The following STAT1 variants were observed in gnomAD, a reference collection of about 807,000 sequenced individuals.
The protein encoded by STAT1 is signal transducer and activator of transcription 1.
Under a neutral mutation model 111.7 loss-of-function variants are expected in STAT1, and 24 were observed. The observed-to-expected ratio is 0.21, with a 90% CI of 0.16 to 0.30. STAT1 has a LOEUF of 0.30. Ranked by LOEUF, STAT1 falls within the 10% of genes least tolerant of loss-of-function variation. The pLI, the probability that STAT1 is intolerant of heterozygous loss-of-function variation, is 1.00. For synonymous variants in STAT1, 332 were observed against 326.5 expected (o/e 1.02, Z -0.18); for missense variants, 351 against 911.9 (o/e 0.38, Z 7.92).
rs1559017071 is a variant in STAT1, at chr2:190,994,930, ATATATATAT to A, written c.944+122_944+130del. 2.6e-3 allele frequency: 290 copies of A among 110,774 alleles called. 3 individuals carry two copies. The highest frequency in any genetic ancestry group is 0.01 in the African/African-American group (235 of 22,456). The allele number at this position is 110,774 out of a possible 1,614,324, so 6.9% of individuals were successfully genotyped here. On this transcript the variant is annotated intron_variant, in intron 10 of 24. Transcript: ENST00000361099. ...ACTCTATCTCAAAAAAAAAAAAAAT[ATATATATAT>A]ATATATATATATATATATAAAAAAC... is the stretch of plus-strand genomic sequence containing the variant.
In STAT1 at chr2:191,007,449, G is replaced by A; in HGVS notation, c.372+114C>T. On this transcript the variant is annotated intron_variant, in intron 5 of 24. Coordinates refer to ENST00000361099, the MANE Select transcript of STAT1 (RefSeq NM_007315.4). This position sits in a 1 kb window ranked among gnomAD's most constrained non-coding sequence, Gnocchi z 4.2. Reference sequence around the variant, plus strand: ...AAATCTGATTCTCCCACTTCTTGGGGCTATAAAATTAGAGAGATATTCATC... The same window carrying A: ...AAATCTGATTCTCCCACTTCTTGGGACTATAAAATTAGAGAGATATTCATC... The A allele has an allele frequency of 2.6e-6, 2 of 781,372 alleles. No individual in the cohort carries two copies. Among genetic ancestry groups the A allele is most frequent in the South Asian group, 3.1e-5 (2 of 64,690 alleles). The allele number at this position is 781,372 out of a possible 1,614,324, so 48.4% of individuals were successfully genotyped here.
At chr2:191,008,824 A>G (rs536846649) in intron 4 of STAT1, 139 bp downstream of exon 4, 10 of 874,992 alleles carry the variant, frequency 1.1e-5, no homozygotes, top group Admixed American at 1.1e-4. Context: ...CTGATGCTGT[A>G]GAAAACATAA....
At chr2:191,013,233 C>A (rs1695278011) in intron 2 of STAT1, among the ~76,000 whole-genome samples, 1 of 152,242 alleles carries the variant, frequency 6.6e-6, no homozygotes, top group Admixed American at 6.5e-5. Context: ...GCACAATGGA[C>A]TGTGCTGGAG....
intron 5 of STAT1, among the ~76,000 whole-genome samples, chr2:191,001,388 C>T (rs986036073): frequency 3.3e-5 from 5 of 152,214 alleles, no homozygotes; most frequent in Non-Finnish European, 7.4e-5. Context: ...CTAAAATAAA[C>T]AGTATTTCTG....
chr2:191,002,192 G>C (rs1383302478), intron 5 of STAT1, among the ~76,000 whole-genome samples: 1 of 152,146 alleles, frequency 6.6e-6, no homozygotes, highest in Non-Finnish European at 1.5e-5. Flanking sequence ...CTCATGATCA[G>C]AGTGAAGTAT....
chr2:191,002,208 C>T (rs1487689411), intron 5 of STAT1, among the ~76,000 whole-genome samples: 1 of 152,098 alleles, frequency 6.6e-6, no homozygotes, highest in African/African-American at 2.4e-5. Context: ...AGTATGGGTC[C>T]ACTTTTTGCT....
At chr2:191,002,608 T>C (rs1031429815) in intron 5 of STAT1, among the ~76,000 whole-genome samples, 12 of 152,218 alleles carry the variant, frequency 7.9e-5, no homozygotes, top group African/African-American at 2.7e-4. Context: ...AGAGCTAACA[T>C]CTTTATGATG....
At position 190,975,050 on chromosome 2, in the gene STAT1, G is replaced by A. The variant is rs1463774932; in HGVS notation, c.2136-118C>T. On this transcript the variant is annotated intron_variant, in intron 23 of 24. Transcript: ENST00000361099. The surrounding 1 kb of genome is among the most constrained non-coding windows in gnomAD (Gnocchi z 5.9). ...AATTATCACGTTATATTTTTATTTTGGGTAAGTGCATACACTTGTAAAATA... is the reference window on the plus strand; with the variant it reads ...AATTATCACGTTATATTTTTATTTTAGGTAAGTGCATACACTTGTAAAATA... The A allele has an allele frequency of 1.1e-6, 1 of 875,916 alleles. No homozygotes were observed. The highest frequency in any genetic ancestry group is 1.9e-6 in the Non-Finnish European group (1 of 533,044). The allele number at this position is 875,916 out of a possible 1,614,324, so 54.3% of individuals were successfully genotyped here. A position where few individuals can be genotyped will look rare whatever the true frequency, so the allele number is the denominator to read the frequency against.
At position 190,989,576 on chromosome 2, in the gene STAT1, A is replaced by G; in HGVS notation, c.1097+39T>C. 1 of 1,223,192 alleles carries G rather than the reference A, an allele frequency of 8.2e-7. No homozygotes were observed. Among genetic ancestry groups the G allele is most frequent in the Non-Finnish European group, 1.2e-6 (1 of 851,996 alleles). The allele number at this position is 1,223,192 out of a possible 1,614,324, so 75.8% of individuals were successfully genotyped here. ...CTTGAGTAACAAAATCAACATTTCA[A>G]TAGTACATGTATGTTATATAATGTT... On this transcript the variant is annotated intron_variant, in intron 12 of 24. Coordinates refer to ENST00000361099, the MANE Select transcript of STAT1 (RefSeq NM_007315.4). This position sits in a 1 kb window ranked among gnomAD's most constrained non-coding sequence, Gnocchi z 5.0.
rs960644455 is a variant in STAT1, at chr2:190,973,117, C to T, written c.2238+1713G>A. ...CTGATTGCCAAATCCCAAACACATACGGGCCTCTCACCCAAAGGCCATGAT... is the reference window on the plus strand; with the variant it reads ...CTGATTGCCAAATCCCAAACACATATGGGCCTCTCACCCAAAGGCCATGAT... On this transcript the variant is annotated intron_variant, in intron 24 of 24. Coordinates refer to ENST00000361099, the MANE Select transcript of STAT1 (RefSeq NM_007315.4). This position sits in a 1 kb window ranked among gnomAD's most constrained non-coding sequence, Gnocchi z 4.4. Among the ~76,000 whole-genome samples the T allele has an allele frequency of 5.9e-5, 9 of 152,066 alleles. No individual in the cohort carries two copies. Among genetic ancestry groups the T allele is most frequent in the African/African-American group, 9.7e-5 (4 of 41,386 alleles).
In STAT1 at chr2:191,006,462, G is replaced by A. The variant is rs1694708704; in HGVS notation, c.372+1101C>T. Among the ~76,000 whole-genome samples, 1 of 152,208 alleles carries A rather than the reference G, an allele frequency of 6.6e-6. No individual in the cohort carries two copies. The highest frequency in any genetic ancestry group is 1.5e-5 in the Non-Finnish European group (1 of 68,024). On this transcript the variant is annotated intron_variant, in intron 5 of 24. Coordinates refer to ENST00000361099, the MANE Select transcript of STAT1 (RefSeq NM_007315.4). The surrounding 1 kb of genome is among the most constrained non-coding windows in gnomAD (Gnocchi z 4.6). ...AACTATACGCCTAGGGAAGTGACAGGATTACAAGGACTGGGACAAATGCTC... is the reference window on the plus strand; with the variant it reads ...AACTATACGCCTAGGGAAGTGACAGAATTACAAGGACTGGGACAAATGCTC...
At position 190,969,629 on chromosome 2, in the gene STAT1, A is replaced by G. The variant is rs1458685708; in HGVS notation, c.*1074T>C. 2.0e-5 allele frequency: 3 copies of G among 152,262 alleles called. No individual in the cohort carries two copies. The highest frequency in any genetic ancestry group is 1.9e-4 in the East Asian group (1 of 5,206). The allele number at this position is 152,262 out of a possible 1,614,324, so 9.4% of individuals were successfully genotyped here. ...CCATTCGCAAATGTGAAAAACACAT[A>G]TATCAGCGAAACATATGCAGTTCTC... is the stretch of plus-strand genomic sequence containing the variant. On this transcript the variant is annotated 3_prime_UTR_variant, in exon 25 of 25. Transcript: ENST00000361099.
At position 191,007,218 on chromosome 2, in the gene STAT1, C is replaced by T. The variant is rs1694773312; in HGVS notation, c.372+345G>A. ...CAAGAACCCTCTATCTGCCTGCTTCCATTCCTGTGCCAGCAACTCAGAGGC... is the reference window on the plus strand; with the variant it reads ...CAAGAACCCTCTATCTGCCTGCTTCTATTCCTGTGCCAGCAACTCAGAGGC... On this transcript the variant is annotated intron_variant, in intron 5 of 24. Transcript: ENST00000361099. This position sits in a 1 kb window ranked among gnomAD's most constrained non-coding sequence, Gnocchi z 4.2. 6.6e-6 allele frequency among the ~76,000 whole-genome samples: 1 copy of T among 152,206 alleles called. No individual in the cohort carries two copies.
rs568267355 is a variant in STAT1, at chr2:191,007,725, G to A, written c.274-64C>T. ...CAGAATGTTTACTTTATTGTGTATT[G>A]TAAGTTGATATGAATTTGTTTATAT... is the stretch of plus-strand genomic sequence containing the variant. On this transcript the variant is annotated intron_variant, in intron 4 of 24. Transcript: ENST00000361099. The surrounding 1 kb of genome is among the most constrained non-coding windows in gnomAD (Gnocchi z 4.2). The A allele has an allele frequency of 8.3e-7, 1 of 1,202,264 alleles. No individual in the cohort carries two copies. Among genetic ancestry groups the A allele is most frequent in the African/African-American group, 1.5e-5 (1 of 66,836 alleles). The allele number at this position is 1,202,264 out of a possible 1,614,324, so 74.5% of individuals were successfully genotyped here.
At position 190,978,257 on chromosome 2, in the gene STAT1, G is replaced by A. The variant is rs1016029985; in HGVS notation, c.1873+599C>T. ...TGGTCTTTATGATTTTTTCATTTACGCTGTTGAGCTTCACCCTCAGAAACC... is the reference window on the plus strand; with the variant it reads ...TGGTCTTTATGATTTTTTCATTTACACTGTTGAGCTTCACCCTCAGAAACC... On this transcript the variant is annotated intron_variant, in intron 21 of 24. Transcript: ENST00000361099. The surrounding 1 kb of genome is among the most constrained non-coding windows in gnomAD (Gnocchi z 6.1). Among the ~76,000 whole-genome samples the A allele has an allele frequency of 5.3e-5, 8 of 152,084 alleles. 1 individual carries two copies. Among genetic ancestry groups the A allele is most frequent in the African/African-American group, 1.2e-4 (5 of 41,398 alleles).
At chr2:190,992,991 T>C in intron 10 of STAT1, 1 of 258,680 alleles carries the variant, frequency 3.9e-6, no homozygotes, top group Middle Eastern at 1.3e-3. Flanking sequence ...GGTTTCATCA[T>C]GTTGGCCAGG....
Position 190,984,578 on chromosome 2 carries a change from A to G in STAT1, c.1264-185T>C, listed in dbSNP as rs773608860. 2.0e-5 allele frequency among the ~76,000 whole-genome samples: 3 copies of G among 152,336 alleles called. No individual in the cohort carries two copies. Among genetic ancestry groups the G allele is most frequent in the Non-Finnish European group, 4.4e-5 (3 of 68,034 alleles). Reference sequence around the variant, plus strand: ...TTAGTATCTCAGTGTGCTCTGAAAGATAAGTGTCTGAAGTTACGGCAAGGG... The same window carrying G: ...TTAGTATCTCAGTGTGCTCTGAAAGGTAAGTGTCTGAAGTTACGGCAAGGG... On this transcript the variant is annotated intron_variant, in intron 15 of 24. Coordinates refer to ENST00000361099, the MANE Select transcript of STAT1 (RefSeq NM_007315.4). This position sits in a 1 kb window ranked among gnomAD's most constrained non-coding sequence, Gnocchi z 5.2.
In STAT1 at chr2:190,987,452, C is replaced by G. The variant is rs1227457355; in HGVS notation, c.1098-384G>C. Among the ~76,000 whole-genome samples the G allele has an allele frequency of 6.6e-6, 1 of 152,202 alleles. No homozygotes were observed. The highest frequency in any genetic ancestry group is 2.4e-5 in the African/African-American group (1 of 41,440). On this transcript the variant is annotated intron_variant, in intron 12 of 24. Coordinates refer to ENST00000361099, the MANE Select transcript of STAT1 (RefSeq NM_007315.4). This position sits in a 1 kb window ranked among gnomAD's most constrained non-coding sequence, Gnocchi z 4.0. ...TAAGCTATCGTTATTGTTTATTGAG[C>G]AGCTACTTGGTGCAAGGCCCTGCAC...
At chr2:190,991,197 G>C in intron 11 of STAT1, 31 bp downstream of exon 11, 1 of 1,596,854 alleles carries the variant, frequency 6.3e-7, no homozygotes, top group Non-Finnish European at 8.6e-7. Context: ...CGTGACAGGT[G>C]ATGTATGGGA....
Sources: allele counts gnomAD v4.1 joint callset (sites outside exome capture counted in the v4.1 genomes callset), GRCh38; gene constraint gnomAD v4.1.1; non-coding constraint Gnocchi (gnomAD v3.1); transcripts MANE v1.5; gene names NCBI Gene and HGNC (gene_info 2026-07-23, HGNC 2026-07-21).